RBFOX1: variants seen among roughly 807,000 people sequenced by gnomAD.
The protein encoded by RBFOX1 is RNA binding protein fox-1 homolog 1.
A neutral mutation model predicts 57.7 loss-of-function variants in RBFOX1; 8 were observed. The ratio of observed to expected loss-of-function variants is 0.14; its 90% CI spans 0.08 to 0.25. RBFOX1 has a LOEUF of 0.25. RBFOX1 is among the 10% of genes least tolerant of loss of function. RBFOX1 has a pLI of 1.00. For missense variants in RBFOX1, 611 were observed against 548.5 expected, an observed-to-expected ratio of 1.11 and a Z score of -1.14; for synonymous variants, 326 against 222.4, an observed-to-expected ratio of 1.47 and a Z score of -4.15.
At chr16:5,316,802 C>T (rs561093524) in intron 1 of RBFOX1, among the ~76,000 whole-genome samples, 13 of 152,148 alleles carry the variant, frequency 8.5e-5, no homozygotes, top group Admixed American at 2.0e-4. Flanking sequence ...ATAATTGGGC[C>T]GCCGCAGGTG....
intron 3 of RBFOX1, among the ~76,000 whole-genome samples, chr16:5,685,284 A>G (rs948550771): frequency 2.7e-4 from 41 of 152,202 alleles, no homozygotes; most frequent in African/African-American, 9.4e-4. Flanking sequence ...TTATGTTTTC[A>G]AACTTAATTA....
intron 1 of RBFOX1, among the ~76,000 whole-genome samples, chr16:6,144,782 A>G (rs182725300): frequency 4.6e-5 from 7 of 152,348 alleles, no homozygotes; most frequent in Admixed American, 1.3e-4. Flanking sequence ...TAATTTAAAA[A>G]CAGCTCAGAT....
chr16:5,802,076 A>T (rs1226156800), intron 3 of RBFOX1, among the ~76,000 whole-genome samples: 1 of 151,982 alleles, frequency 6.6e-6, no homozygotes, highest in Non-Finnish European at 1.5e-5. Flanking sequence ...GGTTCCTTGG[A>T]AGCAGACGTG....
intron 3 of RBFOX1, among the ~76,000 whole-genome samples, chr16:6,873,495 C>T (rs549426219): frequency 2.0e-5 from 3 of 152,088 alleles, no homozygotes; most frequent in Admixed American, 1.3e-4. Flanking sequence ...AAAACTTCCT[C>T]AAGGCTATGA....
At chr16:6,730,537 A>T (rs199745273) in intron 3 of RBFOX1, among the ~76,000 whole-genome samples, 1 of 152,190 alleles carries the variant, frequency 6.6e-6, no homozygotes, top group Non-Finnish European at 1.5e-5. Context: ...CTGTCTATCA[A>T]TCTATGTATC....
At chr16:6,664,415 C>T (rs1006450622) in intron 3 of RBFOX1, among the ~76,000 whole-genome samples, 8 of 152,174 alleles carry the variant, frequency 5.3e-5, no homozygotes, top group South Asian at 2.1e-4. Flanking sequence ...AAGAAATGTG[C>T]GCGGTCATCT....
chr16:5,450,735 A>C (rs1203192461), intron 1 of RBFOX1, among the ~76,000 whole-genome samples: 1 of 152,072 alleles, frequency 6.6e-6, no homozygotes, highest in Non-Finnish European at 1.5e-5. Flanking sequence ...CCTTGCTGGG[A>C]GTGGGACTTT....
At chr16:5,512,862 C>T (rs998035279) in intron 2 of RBFOX1, among the ~76,000 whole-genome samples, 4 of 152,170 alleles carry the variant, frequency 2.6e-5, no homozygotes, top group African/African-American at 9.7e-5. Flanking sequence ...CAGGACACAA[C>T]ATTACATTGA....
intron 5 of RBFOX1, among the ~76,000 whole-genome samples, chr16:7,531,568 C>T (rs2080083865): frequency 6.6e-6 from 1 of 152,162 alleles, no homozygotes; most frequent in Non-Finnish European, 1.5e-5. Context: ...CTTACCCAGT[C>T]CATGCTGGGG....
At chr16:7,296,825 G>A (rs545087796) in intron 4 of RBFOX1, among the ~76,000 whole-genome samples, 1 of 152,174 alleles carries the variant, frequency 6.6e-6, no homozygotes, top group Non-Finnish European at 1.5e-5. Context: ...GTTTGCAGCA[G>A]TTCTATTCCT....
At chr16:7,203,209 C>T (rs754598689) in intron 4 of RBFOX1, among the ~76,000 whole-genome samples, 7 of 152,168 alleles carry the variant, frequency 4.6e-5, no homozygotes, top group Non-Finnish European at 7.3e-5. Context: ...TATTATTCAA[C>T]CTTAGAAGGG....
At chr16:7,085,614 G>C (rs756662637) in intron 4 of RBFOX1, among the ~76,000 whole-genome samples, 8 of 151,984 alleles carry the variant, frequency 5.3e-5, no homozygotes, top group Non-Finnish European at 1.2e-4. Context: ...TAAAGAGTAG[G>C]GTGCTTAGTT....
chr16:5,611,624 A>G (rs1192134562), intron 3 of RBFOX1, among the ~76,000 whole-genome samples: 10 of 152,070 alleles, frequency 6.6e-5, no homozygotes. Context: ...TCACCTATCC[A>G]TCTGTTCATC....
At chr16:7,173,863 C>T (rs536881318) in intron 4 of RBFOX1, among the ~76,000 whole-genome samples, 4 of 152,276 alleles carry the variant, frequency 2.6e-5, no homozygotes, top group South Asian at 2.1e-4. Context: ...ATAAGACACA[C>T]GTTAAATAAC....
At chr16:5,412,098 T>G (rs985601982) in intron 1 of RBFOX1, among the ~76,000 whole-genome samples, 1 of 152,054 alleles carries the variant, frequency 6.6e-6, no homozygotes, top group African/African-American at 2.4e-5. Flanking sequence ...GCCTGGATAA[T>G]GGGGACCACT....
intron 1 of RBFOX1, among the ~76,000 whole-genome samples, chr16:6,300,492 C>A (rs905124403): frequency 6.6e-6 from 1 of 152,160 alleles, no homozygotes; most frequent in African/African-American, 2.4e-5. Flanking sequence ...CAACTACCTA[C>A]CTCACAAAGT....
At chr16:7,426,384 C>T (rs1180481021) in intron 4 of RBFOX1, among the ~76,000 whole-genome samples, 1 of 152,178 alleles carries the variant, frequency 6.6e-6, no homozygotes, top group African/African-American at 2.4e-5. Context: ...GCACCATGGG[C>T]ACAGGCTGCC....
intron 2 of RBFOX1, among the ~76,000 whole-genome samples, chr16:5,499,646 C>G (rs1330999876): frequency 6.6e-6 from 1 of 151,596 alleles, no homozygotes; most frequent in Non-Finnish European, 1.5e-5. Context: ...GATCTCAGCT[C>G]ACTGCAGTCT....
intron 4 of RBFOX1, among the ~76,000 whole-genome samples, chr16:7,097,050 T>C (rs1460651492): frequency 6.6e-6 from 1 of 151,216 alleles, no homozygotes; most frequent in Non-Finnish European, 1.5e-5. Flanking sequence ...AACAGATGCC[T>C]CCTATACAAA....
Sources: allele counts gnomAD v4.1 joint callset (sites outside exome capture counted in the v4.1 genomes callset), GRCh38; gene constraint gnomAD v4.1.1; transcripts MANE v1.5; gene names NCBI Gene and HGNC (gene_info 2026-07-23, HGNC 2026-07-21).